PKD2L1: variants seen among roughly 807,000 people sequenced by gnomAD.
PKD2L1 encodes polycystin-2-like protein 1.
In PKD2L1, 77 loss-of-function variants were observed where a neutral mutation model predicts 93.0. The observed-to-expected ratio is 0.83, with a 90% CI of 0.69 to 1.00. PKD2L1 has a LOEUF of 1.00. Among genes scored for constraint, PKD2L1 ranks in the 50% least tolerant of loss-of-function variants. The pLI, the probability that PKD2L1 is intolerant of heterozygous loss-of-function variation, is 0.00. For synonymous variants in PKD2L1, 390 were observed against 388.0 expected (o/e 1.01, Z -0.06); for missense variants, 977 against 990.9 (o/e 0.99, Z 0.19).
rs536241082 is a variant in PKD2L1, at chr10:100,289,053, C to T, written c.2254G>A (p.Glu752Lys). 7.0e-5 allele frequency: 112 copies of T among 1,610,118 alleles called. 1 individual carries two copies. The South Asian group carries it at 1.2e-3, about 17-fold the overall frequency. Residue 752 changes from glutamate (E) to lysine (K), a missense_variant, in exon 15 of 16, where the codon GAA (glutamate) becomes AAA (lysine). Physicochemically the swap from Glu to Lys is moderately conservative, Grantham distance 56 (BLOSUM62 1). Coordinates refer to ENST00000318222, the MANE Select transcript of PKD2L1 (RefSeq NM_016112.3). ...TGCGGGTGCTTCCAAATAGCTTGTT[C>T]CTTCTGTTGGAAGAAGAAAGGGACA... The part of the protein sequence containing the change: ...GWLAPSPGVK[E>K]QAIWKHPQPA...
At chr10:100,291,542 G>C in intron 11 of PKD2L1, 115 bp from the exon 12 acceptor site, 1 of 1,021,900 alleles carries the variant, frequency 9.8e-7, no homozygotes, top group Non-Finnish European at 1.4e-6. Flanking sequence ...GGTAAAGAAG[G>C]TTCTCCAAAG....
intron 12 of PKD2L1, 140 bp from the exon 13 acceptor site, chr10:100,290,659 T>A: frequency 1.6e-6 from 1 of 617,724 alleles, no homozygotes; most frequent in Non-Finnish European, 2.9e-6. Flanking sequence ...TCCCAGACTC[T>A]GGAGACAATA....
Position 100,294,609 on chromosome 10 carries a change from T to C in PKD2L1, c.1585A>G (p.Ile529Val). The change falls in exon 9 of 16, where the codon ATC (isoleucine) becomes GTC (valine). Residue 529 changes from isoleucine (I) to valine (V), a missense_variant. Ile to Val is a conservative substitution (Grantham distance 29, BLOSUM62 3). Transcript: ENST00000318222. ...IILGDFDYNA[I>V]DNANRILGPA... ...CCCAGGATGCGGTTGGCATTGTCGA[T>C]AGCATTGTAGTCAAAGTCCCCGAGG... The C allele has an allele frequency of 6.2e-7, 1 of 1,613,890 alleles. No homozygotes were observed. Among genetic ancestry groups the C allele is most frequent in the South Asian group, 1.1e-5 (1 of 91,060 alleles).
Position 100,292,940 on chromosome 10 carries a change from T to A in PKD2L1, c.1880+8A>T. 1 of 1,612,038 alleles carries A rather than the reference T, an allele frequency of 6.2e-7. No individual in the cohort carries two copies. Among genetic ancestry groups the A allele is most frequent in the Non-Finnish European group, 8.5e-7 (1 of 1,179,060 alleles). ...TTATTAGAGAAGGCTGGGTCTCTGG[T>A]TGCTCACTCCCTTAAGGTGTTGGTG... On this transcript the variant is annotated splice_region_variant and intron_variant, in intron 11 of 15. Transcript: ENST00000318222.
intron 2 of PKD2L1, among the ~76,000 whole-genome samples, chr10:100,323,957 A>C (rs1278282381): frequency 6.6e-6 from 1 of 152,036 alleles, no homozygotes. Flanking sequence ...CCTCCTGAGT[A>C]GCTGGGATTA....
At chr10:100,297,737 T>A in intron 4 of PKD2L1, 131 bp from the exon 5 acceptor site, 2 of 443,296 alleles carry the variant, frequency 4.5e-6, no homozygotes, top group South Asian at 2.5e-5. Context: ...TGTGTGTGTG[T>A]GTGTGTGTAT....
chr10:100,329,106 A>T, intron 2 of PKD2L1, 105 bp downstream of exon 2: 12 of 1,056,730 alleles, frequency 1.1e-5, no homozygotes, highest in Non-Finnish European at 1.7e-5. Context: ...GCTTACACAG[A>T]TAGATGCTCG....
At position 100,298,561 on chromosome 10, in the gene PKD2L1, C is replaced by G; in HGVS notation, c.731+1G>C. ...GATATTGGTAGGACAGGCTCACTCA[C>G]GCTGTGCCATTGAAGGGCCCAAAGG... On this transcript the variant is annotated splice_donor_variant, in intron 4 of 15. Coordinates refer to ENST00000318222, the MANE Select transcript of PKD2L1 (RefSeq NM_016112.3). LOFTEE classifies it high-confidence loss of function. 4 of 1,613,870 alleles carry G rather than the reference C, an allele frequency of 2.5e-6. No homozygotes were observed. The South Asian group carries it at 4.4e-5, about 18-fold the overall frequency.
intron 2 of PKD2L1, among the ~76,000 whole-genome samples, chr10:100,327,770 C>T (rs959671170): frequency 1.2e-4 from 19 of 152,290 alleles, no homozygotes; most frequent in African/African-American, 4.6e-4. Context: ...TTGGGCCGGC[C>T]GTTGTTCCTC....
chr10:100,299,350 A>C (rs1848625403), intron 3 of PKD2L1, among the ~76,000 whole-genome samples: 1 of 152,178 alleles, frequency 6.6e-6, no homozygotes, highest in South Asian at 2.1e-4. Context: ...TTTGAAGTTC[A>C]GCCTTACCTC....
intron 2 of PKD2L1, among the ~76,000 whole-genome samples, chr10:100,314,962 AGAAGGAAG>A (rs1237204940): frequency 0.042 from 1,391 of 33,006 alleles, 59 homozygotes; most frequent in South Asian, 0.07. Context: ...AAAGAAAGAA[AGAAGGAAG>A]GAAGGAAGGA....
chr10:100,326,872 T>C (rs1849390659), intron 2 of PKD2L1, among the ~76,000 whole-genome samples: 1 of 150,380 alleles, frequency 6.6e-6, no homozygotes, highest in South Asian at 2.2e-4. Flanking sequence ...CATAATACCA[T>C]CTCTGAAAAC....
At chr10:100,326,169 A>G (rs1251887389) in intron 2 of PKD2L1, among the ~76,000 whole-genome samples, 1 of 152,116 alleles carries the variant, frequency 6.6e-6, no homozygotes, top group Non-Finnish European at 1.5e-5. Context: ...GGAGAACTTA[A>G]AATTTGTCAT....
chr10:100,303,991 A>G (rs1472024963), intron 2 of PKD2L1, among the ~76,000 whole-genome samples: 1 of 152,228 alleles, frequency 6.6e-6, no homozygotes, highest in Non-Finnish European at 1.5e-5. Flanking sequence ...CCCGTCAACT[A>G]TTTATGGATG....
chr10:100,313,173 A>T (rs1206042939), intron 2 of PKD2L1, among the ~76,000 whole-genome samples: 2 of 152,198 alleles, frequency 1.3e-5, no homozygotes, highest in African/African-American at 4.8e-5. Flanking sequence ...AAGATCTCCC[A>T]GAGACTGGTC....
intron 2 of PKD2L1, among the ~76,000 whole-genome samples, chr10:100,327,813 T>A (rs1849411284): frequency 6.6e-6 from 1 of 152,062 alleles, no homozygotes; most frequent in Non-Finnish European, 1.5e-5. Context: ...CCCTGCAGAG[T>A]GGCCAGTGAC....
chr10:100,296,041 A>AAG, intron 7 of PKD2L1, 81 bp downstream of exon 7: 1 of 1,363,738 alleles, frequency 7.3e-7, no homozygotes. Context: ...TCTCAAAAAA[A>AAG]AAAAAAAGAA....
chr10:100,297,560 C>T lies in PKD2L1; in HGVS notation c.778G>A (p.Gly260Ser), dbSNP rs1848575535. 3.1e-6 allele frequency: 5 copies of T among 1,613,914 alleles called. No homozygotes were observed. The highest frequency in any genetic ancestry group is 1.3e-5 in the African/African-American group (1 of 74,882). The change falls in exon 5 of 16, where the codon GGC (glycine) becomes AGC (serine). Residue 260 changes from glycine to serine, a missense_variant. Transcript: ENST00000318222. ...CCTCCGCTGTAGCTTGTGAGCCTGC[C>T]CCAGTGGGAGAAGCCCCCCAACTCA... ...QDELGGFSHW[G>S]RLTSYSGGGY... is the part of the protein sequence containing the mutation.
chr10:100,329,513 C>T (rs994599664), intron 1 of PKD2L1, among the ~76,000 whole-genome samples, 189 bp from the exon 2 acceptor site: 13 of 152,122 alleles, frequency 8.5e-5, no homozygotes, highest in African/African-American at 2.2e-4. Context: ...TCCCTGAGGT[C>T]GACAGGGGTG....
Sources: gnomAD v4.1 joint callset for allele counts (sites outside exome capture counted in the v4.1 genomes callset) on GRCh38, gnomAD v4.1.1 for gene constraint, MANE v1.5 for transcripts, NCBI Gene and HGNC (gene_info 2026-07-23, HGNC 2026-07-21) for gene names.